The following PAX7 variants were observed in gnomAD, a reference collection of about 807,000 sequenced individuals.
PAX7 encodes paired box protein Pax-7.
PAX7 carries 18 observed loss-of-function variants against 50.7 expected under a neutral mutation model. The observed-to-expected ratio is 0.36, with a 90% CI of 0.25 to 0.53. The LOEUF (loss-of-function observed/expected upper bound fraction) is 0.53, where lower values mean the gene tolerates loss of function less well. Ranked by LOEUF, PAX7 falls within the 20% of genes least tolerant of loss-of-function variation. PAX7 has a pLI of 0.93. For missense variants in PAX7, 644 were observed against 702.9 expected (o/e 0.92, Z 0.95); for synonymous variants, 310 against 290.4 (o/e 1.07, Z -0.69).
chr1:18,662,894 G>C (rs1282229604), intron 4 of PAX7, among the ~76,000 whole-genome samples: 1 of 146,570 alleles, frequency 6.8e-6, no homozygotes, highest in Non-Finnish European at 1.5e-5. Context: ...TATATTGAAG[G>C]AATCACATAT....
At position 18,723,439 on chromosome 1, in the gene PAX7, G is replaced by C. The variant is rs546303295; in HGVS notation, c.1156-12193G>C. Among the ~76,000 whole-genome samples the C allele has an allele frequency of 2.0e-5, 3 of 152,318 alleles. 1 individual carries two copies. In the East Asian group the frequency reaches 5.8e-4, roughly 29 times the overall value. On this transcript the variant is annotated intron_variant, in intron 7 of 8. Transcript: ENST00000420770. ...GGCACATGAAGGACAGCCGAATATG[G>C]GCACTGAGAGGGAAATCGAAGATGA...
chr1:18,711,480 C>T (rs1019949656), intron 7 of PAX7, among the ~76,000 whole-genome samples: 2 of 152,152 alleles, frequency 1.3e-5, no homozygotes, highest in African/African-American at 4.8e-5. Context: ...CTTCAGTTAA[C>T]TGGACAATGC....
intron 7 of PAX7, among the ~76,000 whole-genome samples, chr1:18,709,979 T>C (rs1307585399): frequency 6.6e-6 from 1 of 152,222 alleles, no homozygotes; most frequent in Non-Finnish European, 1.5e-5. Flanking sequence ...TTTATTTATT[T>C]GTGAATGGGG....
chr1:18,693,840 C>T (rs2089112490), intron 5 of PAX7, among the ~76,000 whole-genome samples: 1 of 152,202 alleles, frequency 6.6e-6, no homozygotes, highest in African/African-American at 2.4e-5. Context: ...CTGACTGCTC[C>T]TTGTAAAATT....
rs565035809 is a variant in PAX7 at position 18,745,348 on chromosome 1, T to C, written c.*419T>C. The C allele has an allele frequency of 3.0e-5, 8 of 262,956 alleles. No homozygotes were observed. In the South Asian group the frequency reaches 8.6e-4, roughly 28 times the overall value. 16.3% of individuals were successfully genotyped at this position (262,956 alleles called of 1,614,324 possible). A position where few individuals can be genotyped will look rare whatever the true frequency, so the allele number is the denominator to read the frequency against. ...CTAGCTAGAAGTGGAGGTGAAGCTT[T>C]CAGGGCTGCTCTCAGCTGGATGTAC... On this transcript the variant is annotated 3_prime_UTR_variant, in exon 9 of 9. Coordinates refer to ENST00000420770, the MANE Select transcript of PAX7 (RefSeq NM_001135254.2).
intron 4 of PAX7, among the ~76,000 whole-genome samples, chr1:18,668,131 T>G (rs1372446679): frequency 6.6e-6 from 1 of 152,052 alleles, no homozygotes; most frequent in Admixed American, 6.6e-5. Context: ...CCCCATTAAA[T>G]CAAAATGGAC....
At chr1:18,691,170 G>T (rs1467113763) in intron 4 of PAX7, among the ~76,000 whole-genome samples, 1 of 152,248 alleles carries the variant, frequency 6.6e-6, no homozygotes, top group East Asian at 1.9e-4. Context: ...CTGGAGGTTG[G>T]TTCTTACTGT....
At chr1:18,711,483 G>A (rs547047737) in intron 7 of PAX7, among the ~76,000 whole-genome samples, 2 of 152,128 alleles carry the variant, frequency 1.3e-5, no homozygotes, top group Admixed American at 6.5e-5. Context: ...CAGTTAACTG[G>A]ACAATGCTTG....
Position 18,632,369 on chromosome 1 carries a change from A to C in PAX7, c.85+681A>C, listed in dbSNP as rs958148959. On this transcript the variant is annotated intron_variant, in intron 1 of 8. Transcript: ENST00000420770. This position sits in a 1 kb window ranked among gnomAD's most constrained non-coding sequence, Gnocchi z 6.3. Reference sequence around the variant, plus strand: ...CTCTAAACGGCGAGAGGGGCACGGCAATGTCCAAACGAGAAGAAAGAGCTG... The same window carrying C: ...CTCTAAACGGCGAGAGGGGCACGGCCATGTCCAAACGAGAAGAAAGAGCTG... Among the ~76,000 whole-genome samples, 2 of 152,106 alleles carry C rather than the reference A, an allele frequency of 1.3e-5. No individual in the cohort carries two copies. Among genetic ancestry groups the C allele is most frequent in the Non-Finnish European group, 2.9e-5 (2 of 68,006 alleles).
At chr1:18,699,602 C>G (rs1374575334) in intron 5 of PAX7, among the ~76,000 whole-genome samples, 1 of 151,184 alleles carries the variant, frequency 6.6e-6, no homozygotes, top group Non-Finnish European at 1.5e-5. Context: ...CGCTTGTCGC[C>G]CAGGCTGGAG....
rs1219220974 is a variant in PAX7 at position 18,708,262 on chromosome 1, A to C, written c.1155+4966A>C. Among the ~76,000 whole-genome samples, 5 of 152,162 alleles carry C rather than the reference A, an allele frequency of 3.3e-5. No homozygotes were observed. The East Asian group carries it at 7.7e-4, about 23-fold the overall frequency. On this transcript the variant is annotated intron_variant, in intron 7 of 8. Transcript: ENST00000420770. The stretch of plus-strand genomic sequence containing the variant: ...AGTTACTTGGACAACGACTGTAAGA[A>C]AACAACTTAGAGGTGGGGTGCCGTG...
chr1:18,646,601 C>T (rs2088343250), intron 4 of PAX7, among the ~76,000 whole-genome samples: 1 of 152,182 alleles, frequency 6.6e-6, no homozygotes, highest in African/African-American at 2.4e-5. Flanking sequence ...CGCCCCCTCC[C>T]CGCCGCCCTC....
chr1:18,675,884 G>A (rs1257414892), intron 4 of PAX7, among the ~76,000 whole-genome samples: 9 of 152,212 alleles, frequency 5.9e-5, no homozygotes, highest in Admixed American at 5.9e-4. Context: ...CAGGCCCCAG[G>A]GTCGCTCCCC....
At chr1:18,639,490 T>C (rs2142677) in intron 4 of PAX7, among the ~76,000 whole-genome samples, 84,845 of 151,442 alleles carry the variant, frequency 0.56, 24,378 homozygotes, top group African/African-American at 0.66. Flanking sequence ...CTTGCCCCAG[T>C]CAAGCTTGGC....
chr1:18,684,943 C>T (rs12757357), intron 4 of PAX7, among the ~76,000 whole-genome samples: 3,466 of 152,218 alleles, frequency 0.023, 64 homozygotes, highest in Non-Finnish European at 0.035. Context: ...TGGGTCAGCT[C>T]CTGGTCCTCT....
intron 7 of PAX7, among the ~76,000 whole-genome samples, chr1:18,734,255 C>T (rs1040105997): frequency 6.6e-6 from 1 of 152,138 alleles, no homozygotes; most frequent in Admixed American, 6.5e-5. Flanking sequence ...CGTGGTTCTC[C>T]GTCTCGGTGC....
At chr1:18,642,718 G>A (rs1035026213) in intron 4 of PAX7, among the ~76,000 whole-genome samples, 17 of 149,126 alleles carry the variant, frequency 1.1e-4, no homozygotes, top group Non-Finnish European at 1.8e-4. Context: ...GGAGCGATTG[G>A]CCCCGGCTGG....
chr1:18,663,265 GAGCC>G (rs1248764505), intron 4 of PAX7, among the ~76,000 whole-genome samples: 1 of 152,228 alleles, frequency 6.6e-6, no homozygotes, highest in East Asian at 1.9e-4. Flanking sequence ...GTTAACTGAG[GAGCC>G]ATTGCTGTCC....
intron 8 of PAX7, among the ~76,000 whole-genome samples, chr1:18,740,719 A>G (rs922828272): frequency 1.3e-5 from 2 of 152,232 alleles, no homozygotes; most frequent in Non-Finnish European, 2.9e-5. Flanking sequence ...AAAACCATTC[A>G]CAATAGCCAA....
Sources: allele counts gnomAD v4.1 joint callset (sites outside exome capture counted in the v4.1 genomes callset), GRCh38; gene constraint gnomAD v4.1.1; non-coding constraint Gnocchi (gnomAD v3.1); transcripts MANE v1.5; gene names NCBI Gene and HGNC (gene_info 2026-07-23, HGNC 2026-07-21).